The following CIMIP4 variants were observed in gnomAD, a reference collection of about 807,000 sequenced individuals.
The protein encoded by CIMIP4 is ciliary microtubule inner protein 4.
the CIMIP4 span, among the ~76,000 whole-genome samples, chr22:36,994,135 A>ATTTGTGTATACGGTAT: frequency 6.6e-6 from 1 of 152,220 alleles, no homozygotes; most frequent in African/African-American, 2.4e-5. Flanking sequence ...GGCAAAATTG[A>ATTTGTGTATACGGTAT]CAGAACCACA....
the CIMIP4 span, among the ~76,000 whole-genome samples, chr22:36,999,582 G>GGTGA: frequency 1.6e-5 from 1 of 64,146 alleles, no homozygotes; most frequent in Non-Finnish European, 2.8e-5. Context: ...GGGGAGGGGA[G>GGTGA]GGGGGGATGG....
chr22:36,992,052 A>G, the CIMIP4 span, among the ~76,000 whole-genome samples: 1 of 152,196 alleles, frequency 6.6e-6, no homozygotes, highest in East Asian at 1.9e-4. Flanking sequence ...ACAGAATACA[A>G]AATAAGTATA....
chr22:36,999,787 A>G, the CIMIP4 span: 2 of 1,576,322 alleles, frequency 1.3e-6, no homozygotes, highest in African/African-American at 2.7e-5. Flanking sequence ...TCCCTGCCCA[A>G]TGCCTGGGAG....
the CIMIP4 span, chr22:37,003,872 G>C: frequency 7.5e-7 from 1 of 1,333,496 alleles, no homozygotes; most frequent in Non-Finnish European, 1.0e-6. Flanking sequence ...ACAAGACGGA[G>C]CGGGAGGAGA....
At chr22:37,005,470 G>A in the CIMIP4 span, among the ~76,000 whole-genome samples, 1 of 152,074 alleles carries the variant, frequency 6.6e-6, no homozygotes, top group Admixed American at 6.5e-5. Flanking sequence ...AAAAATTTGG[G>A]ACTGAACTTG....
At chr22:36,997,610 T>C in the CIMIP4 span, among the ~76,000 whole-genome samples, 3 of 152,192 alleles carry the variant, frequency 2.0e-5, no homozygotes, top group African/African-American at 7.2e-5. Flanking sequence ...CATCTGGAGT[T>C]TTGCAGCTGC....
chr22:37,000,141 G>A, the CIMIP4 span, among the ~76,000 whole-genome samples: 3 of 152,080 alleles, frequency 2.0e-5, no homozygotes, highest in Non-Finnish European at 2.9e-5. Flanking sequence ...GGGAGCTGGG[G>A]TATACAAAGG....
At chr22:37,007,134 A>C in the CIMIP4 span, among the ~76,000 whole-genome samples, 1 of 151,786 alleles carries the variant, frequency 6.6e-6, no homozygotes, top group Non-Finnish European at 1.5e-5. Flanking sequence ...AATCACCAAC[A>C]CTCCACCGGT....
the CIMIP4 span, chr22:36,999,807 G>T: frequency 6.3e-7 from 1 of 1,596,330 alleles, no homozygotes; most frequent in Non-Finnish European, 8.5e-7. Context: ...GACCATGGGT[G>T]TTCACGGCCC....
At chr22:37,001,287 C>T in the CIMIP4 span, among the ~76,000 whole-genome samples, 1 of 151,636 alleles carries the variant, frequency 6.6e-6, no homozygotes, top group Non-Finnish European at 1.5e-5. Context: ...TGATCTAGTG[C>T]AACTGCCTCG....
the CIMIP4 span, among the ~76,000 whole-genome samples, chr22:37,001,153 T>A: frequency 2.0e-5 from 3 of 151,910 alleles, no homozygotes; most frequent in Non-Finnish European, 2.9e-5. Flanking sequence ...CTCGTGTCAG[T>A]TGATTTGTAA....
the CIMIP4 span, among the ~76,000 whole-genome samples, chr22:37,005,944 G>A: frequency 6.6e-6 from 1 of 152,208 alleles, no homozygotes; most frequent in African/African-American, 2.4e-5. Flanking sequence ...GCCCAGGAGT[G>A]TGACTGTGCG....
the CIMIP4 span, chr22:37,000,096 T>A: frequency 7.3e-7 from 1 of 1,365,954 alleles, no homozygotes; most frequent in Non-Finnish European, 9.8e-7. Flanking sequence ...CGATCCCACC[T>A]GTAGCCTGCA....
chr22:36,998,138 A>T, the CIMIP4 span, among the ~76,000 whole-genome samples: 1 of 152,246 alleles, frequency 6.6e-6, no homozygotes, highest in African/African-American at 2.4e-5. Context: ...GGACATTTTT[A>T]AAAATAGATT....
chr22:36,997,689 C>A, the CIMIP4 span, among the ~76,000 whole-genome samples: 1 of 152,190 alleles, frequency 6.6e-6, no homozygotes, highest in Admixed American at 6.5e-5. Flanking sequence ...CTGGAGTGAG[C>A]CCTTAACCTG....
chr22:36,992,944 C>A, the CIMIP4 span, among the ~76,000 whole-genome samples: 1 of 149,178 alleles, frequency 6.7e-6, no homozygotes, highest in African/African-American at 2.4e-5. Flanking sequence ...TATATAAATT[C>A]TATAAAATAA....
the CIMIP4 span, chr22:37,002,175 G>A: frequency 1.3e-6 from 2 of 1,499,466 alleles, no homozygotes; most frequent in Non-Finnish European, 1.8e-6. Flanking sequence ...AGGGGCAGGG[G>A]CTGTGGGGAT....
At chr22:37,004,577 C>G in the CIMIP4 span, among the ~76,000 whole-genome samples, 1 of 152,220 alleles carries the variant, frequency 6.6e-6, no homozygotes, top group Non-Finnish European at 1.5e-5. Context: ...GGAACCCACA[C>G]TTTGCTCTGG....
At chr22:37,003,925 C>T in the CIMIP4 span, 8 of 1,526,886 alleles carry the variant, frequency 5.2e-6, no homozygotes, top group African/African-American at 9.7e-5. Flanking sequence ...CTCCAGAAGC[C>T]TGGATGTGCA....
Sources: allele counts gnomAD v4.1 joint callset (sites outside exome capture counted in the v4.1 genomes callset), GRCh38; gene constraint gnomAD v4.1.1; transcripts MANE v1.5; gene names NCBI Gene and HGNC (gene_info 2026-07-23, HGNC 2026-07-21).